CPAP: variants seen among roughly 807,000 people sequenced by gnomAD.
CPAP encodes the protein centrosomal P4.1-associated protein.
At chr13:24,884,123 AGG>A in the CPAP span, 1 of 1,593,976 alleles carries the variant, frequency 6.3e-7, no homozygotes, top group Non-Finnish European at 8.6e-7. Flanking sequence ...TTTTGAAGGA[AGG>A]GAAGAATTTA....
the CPAP span, among the ~76,000 whole-genome samples, chr13:24,930,669 T>A: frequency 6.6e-6 from 1 of 152,260 alleles, no homozygotes; most frequent in Admixed American, 6.5e-5. Flanking sequence ...CTTCATAGTA[T>A]CCCATGGTGC....
the CPAP span, chr13:24,886,305 G>A: frequency 2.1e-5 from 27 of 1,288,970 alleles, no homozygotes; most frequent in Middle Eastern, 2.1e-4. Flanking sequence ...TGGATGTTAC[G>A]GGAGAATGGC....
chr13:24,933,945 T>TA, the CPAP span, among the ~76,000 whole-genome samples: 6,999 of 152,242 alleles, frequency 0.046, 260 homozygotes, highest in East Asian at 0.14. Context: ...AGGCTGGTCT[T>TA]AAACTCCTGA....
At chr13:24,906,158 G>A in the CPAP span, 68 of 1,613,566 alleles carry the variant, frequency 4.2e-5, no homozygotes, top group Non-Finnish European at 5.2e-5. Context: ...GGGATCTGCC[G>A]GATTTGTCTT....
chr13:24,930,276 T>TA, the CPAP span, among the ~76,000 whole-genome samples: 1 of 152,116 alleles, frequency 6.6e-6, no homozygotes, highest in Non-Finnish European at 1.5e-5. Flanking sequence ...GTTCCTTTTA[T>TA]AATTTCTATC....
At chr13:24,918,736 G>T in the CPAP span, among the ~76,000 whole-genome samples, 1 of 152,166 alleles carries the variant, frequency 6.6e-6, no homozygotes, top group African/African-American at 2.4e-5. Context: ...AGACCTTTAT[G>T]ATGATCCACT....
the CPAP span, among the ~76,000 whole-genome samples, chr13:24,891,060 A>T: frequency 6.6e-6 from 1 of 151,964 alleles, no homozygotes; most frequent in South Asian, 2.1e-4. Context: ...CCAGCCGATC[A>T]GGCTTTCCTC....
chr13:24,920,619 C>CTTTT, the CPAP span, among the ~76,000 whole-genome samples: 13 of 125,264 alleles, frequency 1.0e-4, 1 homozygote, highest in South Asian at 2.5e-4. Context: ...AATATGATTC[C>CTTTT]TTTTTTTTTT....
At chr13:24,909,878 C>G in the CPAP span, 2 of 1,612,012 alleles carry the variant, frequency 1.2e-6, no homozygotes, top group East Asian at 4.5e-5. Flanking sequence ...AATTAGGAGA[C>G]GCACGTTTTG....
the CPAP span, chr13:24,909,956 CGGGTATGTTTCTTCCT>C: frequency 6.2e-7 from 1 of 1,614,118 alleles, no homozygotes. Flanking sequence ...AAATGTTGGA[CGGGTATGTTTCTTCCT>C]GGGTTGGGTC....
At chr13:24,892,531 T>C in the CPAP span, 1 of 829,948 alleles carries the variant, frequency 1.2e-6, no homozygotes, top group South Asian at 1.4e-5. Flanking sequence ...CACTCCCCAC[T>C]GCCCCCCCAG....
chr13:24,913,051 T>G, the CPAP span: 1 of 1,596,246 alleles, frequency 6.3e-7, no homozygotes, highest in Non-Finnish European at 8.6e-7. Context: ...CTATTATATT[T>G]AAACAATGCA....
the CPAP span, chr13:24,922,678 G>C: frequency 6.6e-6 from 1 of 152,358 alleles, no homozygotes; most frequent in Non-Finnish European, 1.5e-5. Flanking sequence ...GGTCCGAGCA[G>C]AGTCCTGCCC....
chr13:24,903,101 T>C, the CPAP span, among the ~76,000 whole-genome samples: 1 of 152,138 alleles, frequency 6.6e-6, no homozygotes, highest in African/African-American at 2.4e-5. Flanking sequence ...ATAATAAATA[T>C]AACATATATA....
At chr13:24,897,213 G>A in the CPAP span, among the ~76,000 whole-genome samples, 2 of 152,152 alleles carry the variant, frequency 1.3e-5, no homozygotes, top group African/African-American at 4.8e-5. Context: ...CTGCACTCCA[G>A]TCTGGGCCAC....
chr13:24,906,434 C>A, the CPAP span: 1 of 1,613,802 alleles, frequency 6.2e-7, no homozygotes, highest in East Asian at 2.2e-5. Flanking sequence ...AGCAGCCAGC[C>A]GGCTGGCCGG....
At chr13:24,926,339 C>T in the CPAP span, among the ~76,000 whole-genome samples, 26 of 152,114 alleles carry the variant, frequency 1.7e-4, no homozygotes, top group Non-Finnish European at 2.6e-4. Context: ...GAGCCTGGGT[C>T]TCGGAGGCTC....
chr13:24,928,222 G>A, the CPAP span, among the ~76,000 whole-genome samples: 62 of 152,148 alleles, frequency 4.1e-4, no homozygotes, highest in African/African-American at 1.4e-3. Context: ...CCTTTCATCT[G>A]TTGCTCAGCC....
At chr13:24,886,363 CGT>C in the CPAP span, 1 of 1,289,164 alleles carries the variant, frequency 7.8e-7, no homozygotes. Flanking sequence ...AGCTGCTGGG[CGT>C]GTGAGGCGGC....
Sources: allele counts gnomAD v4.1 joint callset (sites outside exome capture counted in the v4.1 genomes callset), GRCh38; gene constraint gnomAD v4.1.1; transcripts MANE v1.5; gene names NCBI Gene and HGNC (gene_info 2026-07-23, HGNC 2026-07-21).